BCAR3: variants seen among roughly 807,000 people sequenced by gnomAD.
BCAR3 encodes the protein BCAR3 adaptor protein, NSP family member.
A neutral mutation model predicts 80.1 loss-of-function variants in BCAR3; 37 were observed. The observed-to-expected ratio is 0.46, with a 90% CI of 0.36 to 0.61. The LOEUF is 0.61. Among genes scored for constraint, BCAR3 ranks in the 20% least tolerant of loss-of-function variants. The pLI, the probability that BCAR3 is intolerant of heterozygous loss-of-function variation, is 0.00. For synonymous variants in BCAR3, 389 were observed against 418.9 expected (o/e 0.93, Z 0.87); for missense variants, 978 against 1,068.2 (o/e 0.92, Z 1.18).
At chr1:93,833,035 C>G (rs984901679) in intron 2 of BCAR3, among the ~76,000 whole-genome samples, 12 of 152,148 alleles carry the variant, frequency 7.9e-5, no homozygotes, top group Admixed American at 5.9e-4. Flanking sequence ...ACTGGGGGAA[C>G]TAGCCCCCAA....
At position 93,567,340 on chromosome 1, in the gene BCAR3, T is replaced by C. The variant is rs1672994733; in HGVS notation, c.2238A>G (p.Thr746=). 2.5e-6 allele frequency: 4 copies of C among 1,614,222 alleles called. No homozygotes were observed. The highest frequency in any genetic ancestry group is 2.2e-5 in the East Asian group (1 of 44,880). The change falls in exon 11 of 12, where the codon ACA becomes ACG. Residue 746 remains threonine (T), a synonymous_variant. Transcript: ENST00000260502. ...SCEIMLNHLA[T]ARFMAEAADS... ...CTGCAGCCTCGGCCATGAATCGCGCTGTTGCCAAATGGTTCAGCATGATTT... is the reference window on the plus strand; with the variant it reads ...CTGCAGCCTCGGCCATGAATCGCGCCGTTGCCAAATGGTTCAGCATGATTT...
chr1:93,845,952 GCATT>G (rs1382193495), intron 1 of BCAR3, among the ~76,000 whole-genome samples: 59 of 152,286 alleles, frequency 3.9e-4, no homozygotes, highest in African/African-American at 1.4e-3. Flanking sequence ...TGTTCTGTCA[GCATT>G]CATGAAACCG....
chr1:93,611,014 CT>C (rs1165099433), intron 3 of BCAR3, among the ~76,000 whole-genome samples: 26 of 152,246 alleles, frequency 1.7e-4, no homozygotes, highest in African/African-American at 6.3e-4. Flanking sequence ...GGCTGTTTCT[CT>C]GAGCCTTGGT....
chr1:93,569,537 C>T (rs1414092914), intron 9 of BCAR3, among the ~76,000 whole-genome samples: 1 of 152,270 alleles, frequency 6.6e-6, no homozygotes. Flanking sequence ...GGCCCATCTC[C>T]TGGACATATT....
At chr1:93,596,719 C>A (rs1674432030) in intron 3 of BCAR3, among the ~76,000 whole-genome samples, 1 of 152,338 alleles carries the variant, frequency 6.6e-6, no homozygotes, top group Non-Finnish European at 1.5e-5. Flanking sequence ...ATCAAATTCT[C>A]TAACATTTGC....
intron 3 of BCAR3, among the ~76,000 whole-genome samples, chr1:93,617,187 G>A (rs925391862): frequency 1.3e-5 from 2 of 152,198 alleles, no homozygotes; most frequent in African/African-American, 4.8e-5. Context: ...CCTCAGCTGA[G>A]AAGGGCCAAG....
chr1:93,590,653 C>A (rs1570941485), intron 4 of BCAR3, among the ~76,000 whole-genome samples: 2 of 152,266 alleles, frequency 1.3e-5, no homozygotes, highest in East Asian at 3.9e-4. Context: ...TCTGTTAGGT[C>A]AAAATAGTAG....
chr1:93,614,046 AG>A, intron 3 of BCAR3: 1 of 1,459,616 alleles, frequency 6.9e-7, no homozygotes, highest in South Asian at 1.4e-5. Context: ...CCCAGAAGTC[AG>A]GGAAGTCGGC....
chr1:93,742,987 A>T (rs957887009), intron 2 of BCAR3, among the ~76,000 whole-genome samples: 1 of 152,242 alleles, frequency 6.6e-6, no homozygotes, highest in Non-Finnish European at 1.5e-5. Context: ...TAACTCCATA[A>T]GCCTTTTTTC....
chr1:93,702,963 GAACA>G (rs1649697747), intron 3 of BCAR3, among the ~76,000 whole-genome samples: 1 of 152,222 alleles, frequency 6.6e-6, no homozygotes, highest in Admixed American at 6.5e-5. Flanking sequence ...GGCAGCAGAT[GAACA>G]GCCCAGGGAC....
upstream of BCAR3, among the ~76,000 whole-genome samples, chr1:93,683,115 A>G (rs1353434792): frequency 1.3e-5 from 2 of 152,248 alleles, no homozygotes; most frequent in Admixed American, 6.5e-5. Context: ...GTTTACAGAT[A>G]TATAAAGAAC....
chr1:93,565,590 A>G (rs1310020789), intron 11 of BCAR3, among the ~76,000 whole-genome samples: 2 of 152,144 alleles, frequency 1.3e-5, no homozygotes, highest in Non-Finnish European at 2.9e-5. Flanking sequence ...CTCAAAACCC[A>G]CCCTGATGTA....
At position 93,722,251 on chromosome 1, in the gene BCAR3, G is replaced by A. The variant is rs182800382; in HGVS notation, c.-62-16109C>T. 1.2e-3 allele frequency among the ~76,000 whole-genome samples: 177 copies of A among 152,366 alleles called. 1 individual carries two copies. Among genetic ancestry groups the A allele is most frequent in the East Asian group, 7.7e-4 (4 of 5,186 alleles). On this transcript the variant is annotated intron_variant, in intron 2 of 13. Coordinates refer to the BCAR3 transcript ENST00000370244. The stretch of plus-strand genomic sequence containing the variant: ...AACTCCCGAGTGAGGGCCTCCTAGA[G>A]CTCAGGCCTGCCTTTCTGTTTTTGG...
chr1:93,649,669 A>G (rs1041732084), intron 2 of BCAR3, among the ~76,000 whole-genome samples: 2 of 152,164 alleles, frequency 1.3e-5, no homozygotes, highest in African/African-American at 4.8e-5. Context: ...CACCTAAAAA[A>G]AAGAGTTACA....
chr1:93,625,253 C>A (rs938120241), intron 3 of BCAR3, among the ~76,000 whole-genome samples: 1 of 152,178 alleles, frequency 6.6e-6, no homozygotes, highest in African/African-American at 2.4e-5. Flanking sequence ...TTTGAACTAG[C>A]TGGGATTCCA....
intron 3 of BCAR3, among the ~76,000 whole-genome samples, chr1:93,691,139 GA>G (rs1257045794): frequency 2.0e-5 from 3 of 152,194 alleles, no homozygotes; most frequent in African/African-American, 7.2e-5. Context: ...GCAGAGCCAG[GA>G]CTGAAGGTGA....
intron 2 of BCAR3, among the ~76,000 whole-genome samples, chr1:93,806,389 A>T (rs1196508615): frequency 1.3e-5 from 2 of 152,222 alleles, no homozygotes; most frequent in Non-Finnish European, 2.9e-5. Context: ...TGAAAGCTGG[A>T]TAGGACTAAC....
intron 2 of BCAR3, among the ~76,000 whole-genome samples, chr1:93,760,182 T>C (rs1353224045): frequency 6.6e-6 from 1 of 151,768 alleles, no homozygotes; most frequent in Middle Eastern, 3.2e-3. Flanking sequence ...AAAAAAGGCA[T>C]TTCTGGAGTT....
At chr1:93,689,463 G>A (rs753714697) in intron 3 of BCAR3, among the ~76,000 whole-genome samples, 4 of 151,702 alleles carry the variant, frequency 2.6e-5, no homozygotes, top group African/African-American at 4.8e-5. Flanking sequence ...CCTGGGAGAC[G>A]GAGGTAGCAG....
Sources: gnomAD v4.1 joint callset for allele counts (sites outside exome capture counted in the v4.1 genomes callset) on GRCh38, gnomAD v4.1.1 for gene constraint, MANE v1.5 for transcripts, NCBI Gene and HGNC (gene_info 2026-07-23, HGNC 2026-07-21) for gene names.